Variants in CMIP observed in about 807,000 individuals in gnomAD.
CMIP encodes c-Maf inducing protein.
CMIP carries 13 observed loss-of-function variants against 97.3 expected under a neutral mutation model. The ratio of observed to expected loss-of-function variants is 0.13; its 90% confidence interval spans 0.09 to 0.21. The LOEUF is 0.21. Among genes scored for constraint, CMIP ranks in the 10% least tolerant of loss-of-function variants. The pLI is 1.00. For synonymous variants in CMIP, 538 were observed against 436.3 expected, an observed-to-expected ratio of 1.23 and a Z score of -2.91; for missense variants, 847 against 1,024.9, an observed-to-expected ratio of 0.83 and a Z score of 2.37.
chr16:81,523,552 G>C (rs191422615), intron 1 of CMIP, among the ~76,000 whole-genome samples: 24 of 152,290 alleles, frequency 1.6e-4, no homozygotes, highest in African/African-American at 5.8e-4. Flanking sequence ...CCAAGCAACT[G>C]ACTCATCCAG....
chr16:81,530,496 C>A (rs2090211936), intron 1 of CMIP, among the ~76,000 whole-genome samples: 1 of 151,998 alleles, frequency 6.6e-6, no homozygotes, highest in Non-Finnish European at 1.5e-5. Context: ...ATCGGTGTAG[C>A]CCGTCTGAGT....
intron 1 of CMIP, among the ~76,000 whole-genome samples, chr16:81,532,346 G>A (rs2090254447): frequency 6.6e-6 from 1 of 152,242 alleles, no homozygotes; most frequent in Non-Finnish European, 1.5e-5. Flanking sequence ...TGATGCAGGA[G>A]GTATACGCAC....
rs368193106 is a variant in CMIP at position 81,589,069 on chromosome 16, CT to C, written c.301-18487del. Among the ~76,000 whole-genome samples the C allele has an allele frequency of 3.9e-3, 567 of 146,784 alleles. 1 individual carries two copies. The highest frequency in any genetic ancestry group is 6.9e-3 in the Middle Eastern group (2 of 288). On this transcript the variant is annotated intron_variant, in intron 1 of 20. Transcript: ENST00000537098. ...TTCCGGTGCTCAGAATATTGTATTGCTTTTTTTTTTTCCTTTTCTTTCTTTG... is the reference window on the plus strand; with the variant it reads ...TTCCGGTGCTCAGAATATTGTATTGCTTTTTTTTTTCCTTTTCTTTCTTTG...
intron 18 of CMIP, among the ~76,000 whole-genome samples, chr16:81,705,054 G>A (rs775944390): frequency 5.3e-5 from 8 of 152,124 alleles, no homozygotes; most frequent in Non-Finnish European, 8.8e-5. Context: ...CAGGGCAGAT[G>A]AAGGGGCCTT....
chr16:81,615,506 T>A (rs937876844), intron 2 of CMIP, among the ~76,000 whole-genome samples: 1 of 149,778 alleles, frequency 6.7e-6, no homozygotes, highest in Non-Finnish European at 1.5e-5. Context: ...GGTGTGTGTG[T>A]CTGTGTGCAG....
intron 1 of CMIP, among the ~76,000 whole-genome samples, chr16:81,483,399 G>C (rs2089261794): frequency 6.6e-6 from 1 of 152,212 alleles, no homozygotes; most frequent in South Asian, 2.1e-4. Context: ...GGCAGGAGGT[G>C]AGCTCTGTGA....
intron 1 of CMIP, among the ~76,000 whole-genome samples, chr16:81,563,154 G>C (rs2090917223): frequency 6.6e-6 from 1 of 152,226 alleles, no homozygotes; most frequent in Non-Finnish European, 1.5e-5. Flanking sequence ...AGGGGGCTTT[G>C]TCTTCCAGTT....
chr16:81,610,413 A>T (rs2091812004), intron 2 of CMIP: 1 of 985,862 alleles, frequency 1.0e-6, no homozygotes, highest in Non-Finnish European at 1.2e-6. Context: ...CAGGAGCAGG[A>T]GAGGAGGAAG....
intron 3 of CMIP, among the ~76,000 whole-genome samples, chr16:81,624,060 A>G (rs780274803): frequency 2.0e-5 from 3 of 151,168 alleles, no homozygotes; most frequent in Non-Finnish European, 2.9e-5. Context: ...TTTATTTACA[A>G]CCACCTATTT....
intron 3 of CMIP, among the ~76,000 whole-genome samples, chr16:81,642,568 A>G (rs2092318450): frequency 6.6e-6 from 1 of 152,246 alleles, no homozygotes; most frequent in Non-Finnish European, 1.5e-5. Flanking sequence ...AAGCAACAAT[A>G]TATGTGCATA....
chr16:81,598,900 C>T (rs1471370130), intron 1 of CMIP, among the ~76,000 whole-genome samples: 4 of 127,618 alleles, frequency 3.1e-5, no homozygotes, highest in Admixed American at 9.9e-5. Flanking sequence ...AGCCGGGAGG[C>T]GGGGGTTGCA....
intron 1 of CMIP, among the ~76,000 whole-genome samples, chr16:81,604,620 A>T (rs2091711872): frequency 6.6e-6 from 1 of 152,146 alleles, no homozygotes; most frequent in Non-Finnish European, 1.5e-5. Flanking sequence ...GAATTGCTTG[A>T]ACACGGGAGG....
intron 10 of CMIP, among the ~76,000 whole-genome samples, chr16:81,686,313 G>C (rs1388079975): frequency 6.6e-6 from 1 of 152,156 alleles, no homozygotes; most frequent in Non-Finnish European, 1.5e-5. Context: ...TGTGAATACG[G>C]GGGCATAAAG....
chr16:81,611,992 C>G (rs1429594705), intron 2 of CMIP, among the ~76,000 whole-genome samples: 1 of 152,214 alleles, frequency 6.6e-6, no homozygotes, highest in Non-Finnish European at 1.5e-5. Context: ...CGTGAGCTCC[C>G]TCACTGCCAT....
chr16:81,701,654 G>C lies in CMIP; in HGVS notation c.1756-6G>C, dbSNP rs750635173. 13 of 1,613,812 alleles carry C rather than the reference G, an allele frequency of 8.1e-6. No homozygotes were observed. In the East Asian group the frequency reaches 2.7e-4, roughly 33 times the overall value. ...GTCCGTAATGCACCCCTGCGGTTCTGGACAGATCCTGTGCTTGATGCTGGA... is the reference window on the plus strand; with the variant it reads ...GTCCGTAATGCACCCCTGCGGTTCTCGACAGATCCTGTGCTTGATGCTGGA... On this transcript the variant is annotated splice_polypyrimidine_tract_variant and splice_region_variant and intron_variant, in intron 15 of 20. Coordinates refer to ENST00000537098, the MANE Select transcript of CMIP (RefSeq NM_198390.3).
chr16:81,470,835 C>T (rs879365058), intron 1 of CMIP, among the ~76,000 whole-genome samples: 2 of 152,256 alleles, frequency 1.3e-5, no homozygotes, highest in Non-Finnish European at 2.9e-5. Flanking sequence ...TTCTTGACTT[C>T]CTCATGTGAT....
At chr16:81,607,759 T>G in intron 2 of CMIP, 67 bp downstream of exon 2, 1 of 1,543,134 alleles carries the variant, frequency 6.5e-7, no homozygotes, top group Non-Finnish European at 8.9e-7. Flanking sequence ...GCCCCTCGTT[T>G]CCCTTGGAGG....
At chr16:81,511,061 G>A (rs1467919156) in intron 1 of CMIP, among the ~76,000 whole-genome samples, 1 of 152,080 alleles carries the variant, frequency 6.6e-6, no homozygotes, top group Admixed American at 6.6e-5. Context: ...GAGCATGGGG[G>A]AGTAAAATGA....
At chr16:81,645,498 C>A in intron 3 of CMIP, 1 of 1,535,526 alleles carries the variant, frequency 6.5e-7, no homozygotes, top group Admixed American at 2.0e-5. Flanking sequence ...GACTTGTCTC[C>A]CGTGGAGGAG....
Sources: allele counts gnomAD v4.1 joint callset (sites outside exome capture counted in the v4.1 genomes callset), GRCh38; gene constraint gnomAD v4.1.1; transcripts MANE v1.5; gene names NCBI Gene and HGNC (gene_info 2026-07-23, HGNC 2026-07-21).